CNTNAP2: variants seen among roughly 807,000 people sequenced by gnomAD.
CNTNAP2 encodes the protein contactin associated protein 2.
Under a neutral mutation model 155.2 loss-of-function variants are expected in CNTNAP2, and 98 were observed. The ratio of observed to expected loss-of-function variants is 0.63; its 90% CI spans 0.54 to 0.75. The LOEUF (loss-of-function observed/expected upper bound fraction) is 0.75, where lower values mean the gene tolerates loss of function less well. Ranked by LOEUF, CNTNAP2 falls within the 30% of genes least tolerant of loss-of-function variation. The pLI is 0.00. For synonymous variants in CNTNAP2, 651 were observed against 631.2 expected, an observed-to-expected ratio of 1.03 and a Z score of -0.47; for missense variants, 1,727 against 1,688.1, an observed-to-expected ratio of 1.02 and a Z score of -0.40.
intron 8 of CNTNAP2, among the ~76,000 whole-genome samples, chr7:147,147,301 G>C (rs1402227396): frequency 6.6e-6 from 1 of 152,116 alleles, no homozygotes; most frequent in Non-Finnish European, 1.5e-5. Flanking sequence ...GGGAATTATA[G>C]GGATTACAAT....
intron 12 of CNTNAP2, among the ~76,000 whole-genome samples, chr7:147,606,051 AC>A (rs1351771504): frequency 1.3e-5 from 2 of 152,112 alleles, no homozygotes; most frequent in Non-Finnish European, 2.9e-5. Context: ...ACCAAAAAAA[AC>A]AGCCTGTTCA....
chr7:147,964,807 T>G (rs1452478382), intron 14 of CNTNAP2, among the ~76,000 whole-genome samples: 1 of 152,154 alleles, frequency 6.6e-6, no homozygotes, highest in African/African-American at 2.4e-5. Flanking sequence ...ACAGAGTAAG[T>G]TTGCCAATAG....
intron 1 of CNTNAP2, among the ~76,000 whole-genome samples, chr7:146,730,344 T>G (rs987022987): frequency 2.0e-5 from 3 of 152,094 alleles, no homozygotes; most frequent in Non-Finnish European, 4.4e-5. Flanking sequence ...ATGTCCTCCT[T>G]GTTTTCCCAT....
At chr7:147,252,759 T>G (rs767658409) in intron 8 of CNTNAP2, among the ~76,000 whole-genome samples, 21 of 152,228 alleles carry the variant, frequency 1.4e-4, no homozygotes, top group Non-Finnish European at 2.6e-4. Flanking sequence ...CAGTTTCTGC[T>G]GTTATGTATG....
At chr7:146,760,409 C>CTTTTTCTTTTTTTTTTTTTTTTT (rs1802074396) in intron 1 of CNTNAP2, among the ~76,000 whole-genome samples, 1 of 56,276 alleles carries the variant, frequency 1.8e-5, no homozygotes, top group African/African-American at 8.5e-5. Flanking sequence ...TCCAATTTAC[C>CTTTTTCTTTTTTTTTTTTTTTTT]TTTTTTTTTT....
intron 1 of CNTNAP2, among the ~76,000 whole-genome samples, chr7:146,336,861 G>A (rs981680347): frequency 6.6e-6 from 1 of 152,080 alleles, no homozygotes; most frequent in African/African-American, 2.4e-5. Flanking sequence ...AATCTCATAA[G>A]GTCACAACCT....
chr7:147,366,947 T>C (rs1796242357), intron 9 of CNTNAP2, among the ~76,000 whole-genome samples: 1 of 152,194 alleles, frequency 6.6e-6, no homozygotes, highest in African/African-American at 2.4e-5. Context: ...GCGGACTGTA[T>C]ATTTCCTAAT....
chr7:147,747,218 T>G (rs1797058732), intron 13 of CNTNAP2, among the ~76,000 whole-genome samples: 1 of 152,218 alleles, frequency 6.6e-6, no homozygotes, highest in Admixed American at 6.5e-5. Context: ...TCTAGGAGTC[T>G]TCCTCCTTCA....
chr7:148,016,338 A>G (rs1220561370), intron 15 of CNTNAP2, among the ~76,000 whole-genome samples: 2 of 152,134 alleles, frequency 1.3e-5, no homozygotes, highest in African/African-American at 4.8e-5. Context: ...TGGGTTAACT[A>G]TTCTGATAGC....
At chr7:147,599,960 G>A (rs995085201) in intron 12 of CNTNAP2, among the ~76,000 whole-genome samples, 1 of 152,140 alleles carries the variant, frequency 6.6e-6, no homozygotes, top group African/African-American at 2.4e-5. Context: ...ACCATTAAGT[G>A]TTTCTTAAGC....
intron 14 of CNTNAP2, among the ~76,000 whole-genome samples, chr7:147,977,131 G>A (rs1456783579): frequency 6.6e-6 from 1 of 152,252 alleles, no homozygotes; most frequent in East Asian, 1.9e-4. Flanking sequence ...CCCCTCCTGG[G>A]TTTCTATGCT....
intron 10 of CNTNAP2, among the ~76,000 whole-genome samples, chr7:147,434,164 T>C (rs961008122): frequency 2.0e-5 from 3 of 152,212 alleles, no homozygotes; most frequent in African/African-American, 7.2e-5. Context: ...TTCAAGGTTA[T>C]GCACTCTATT....
intron 3 of CNTNAP2, among the ~76,000 whole-genome samples, chr7:146,878,335 T>C (rs374633258): frequency 6.6e-6 from 1 of 151,978 alleles, no homozygotes; most frequent in African/African-American, 2.4e-5. Flanking sequence ...GTATTATCTT[T>C]TTTTTTTTTC....
chr7:146,464,296 T>TGG (rs1796685172), intron 1 of CNTNAP2, among the ~76,000 whole-genome samples: 1 of 151,900 alleles, frequency 6.6e-6, no homozygotes. Context: ...AGATTTATTG[T>TGG]CTTTCCTCCT....
At chr7:148,364,770 A>G (rs1004505571) in intron 21 of CNTNAP2, among the ~76,000 whole-genome samples, 15 of 152,198 alleles carry the variant, frequency 9.9e-5, no homozygotes, top group Non-Finnish European at 1.9e-4. Context: ...GCCAGATAAG[A>G]GAATAAAAGC....
intron 18 of CNTNAP2, among the ~76,000 whole-genome samples, chr7:148,182,458 C>T (rs1795054773): frequency 6.7e-6 from 1 of 149,940 alleles, no homozygotes; most frequent in Non-Finnish European, 1.5e-5. Context: ...TTCTTCACTC[C>T]ACAACCATTT....
At chr7:147,929,973 G>A (rs1338454278) in intron 14 of CNTNAP2, among the ~76,000 whole-genome samples, 7 of 152,078 alleles carry the variant, frequency 4.6e-5, no homozygotes, top group South Asian at 2.1e-4. Flanking sequence ...ATCTAATGCC[G>A]TCACTGATCT....
chr7:148,360,813 TTTC>T (rs554026490), intron 21 of CNTNAP2, among the ~76,000 whole-genome samples: 2,358 of 151,090 alleles, frequency 0.016, 59 homozygotes, highest in African/African-American at 0.055. Flanking sequence ...TTTTTTTCTT[TTTC>T]TTTTTTTTTT....
chr7:146,840,362 A>G (rs1413675608), intron 3 of CNTNAP2, among the ~76,000 whole-genome samples: 1 of 152,224 alleles, frequency 6.6e-6, no homozygotes, highest in Non-Finnish European at 1.5e-5. Context: ...TTACAGATCT[A>G]TGTTCACTTT....
Sources: gnomAD v4.1 joint callset for allele counts (sites outside exome capture counted in the v4.1 genomes callset) on GRCh38, gnomAD v4.1.1 for gene constraint, MANE v1.5 for transcripts, NCBI Gene and HGNC (gene_info 2026-07-23, HGNC 2026-07-21) for gene names.